The following LRIG1 variants were observed in gnomAD, a reference collection of about 807,000 sequenced individuals.
LRIG1 encodes the protein leucine-rich repeats and immunoglobulin-like domains protein 1.
In LRIG1, 48 loss-of-function variants were observed where a neutral mutation model predicts 99.2. The ratio of observed to expected loss-of-function variants is 0.48; its 90% confidence interval spans 0.38 to 0.62. LRIG1 has a LOEUF of 0.62. Among genes scored for constraint, LRIG1 ranks in the 20% least tolerant of loss-of-function variants. LRIG1 has a pLI of 0.00. For synonymous variants in LRIG1, 772 were observed against 596.1 expected (o/e 1.29, Z -4.30); for missense variants, 1,646 against 1,434.4 (o/e 1.15, Z -2.38).
At chr3:66,401,041 T>C (rs1702032419) in intron 9 of LRIG1, among the ~76,000 whole-genome samples, 1 of 152,138 alleles carries the variant, frequency 6.6e-6, no homozygotes, top group East Asian at 1.9e-4. Context: ...AACTGCAAGC[T>C]CAGCCCTCAG....
At position 66,459,160 on chromosome 3, in the gene LRIG1, C is replaced by A. The variant is rs141035812; in HGVS notation, c.290+3278G>T. On this transcript the variant is annotated intron_variant, in intron 2 of 18. Transcript: ENST00000273261. ...GAAATATATTTTTGAGACTCATAACCAGTATCTCCAATGAAGGAAAGGTGG... is the reference window on the plus strand; with the variant it reads ...GAAATATATTTTTGAGACTCATAACAAGTATCTCCAATGAAGGAAAGGTGG... Among the ~76,000 whole-genome samples, 7 of 152,230 alleles carry A rather than the reference C, an allele frequency of 4.6e-5. No individual in the cohort carries two copies. In the East Asian group the frequency reaches 1.4e-3, roughly 29 times the overall value.
chr3:66,496,222 G>A (rs78947206), intron 1 of LRIG1, among the ~76,000 whole-genome samples: 3,171 of 152,242 alleles, frequency 0.021, 93 homozygotes, highest in South Asian at 0.12. Flanking sequence ...CTTGAAAAGC[G>A]GGGCAGGAAC....
intron 1 of LRIG1, among the ~76,000 whole-genome samples, chr3:66,480,416 T>C (rs1383344694): frequency 6.6e-6 from 1 of 151,950 alleles, no homozygotes. Flanking sequence ...CCCAGAATCC[T>C]ATCATTGAAA....
chr3:66,477,183 T>G (rs1248855057), intron 1 of LRIG1, among the ~76,000 whole-genome samples: 1 of 152,214 alleles, frequency 6.6e-6, no homozygotes, highest in Non-Finnish European at 1.5e-5. Context: ...ATCAGAAAAT[T>G]TAAAGGTTGT....
chr3:66,428,813 G>A (rs777209841), intron 3 of LRIG1, among the ~76,000 whole-genome samples: 7 of 152,178 alleles, frequency 4.6e-5, no homozygotes, highest in Non-Finnish European at 7.3e-5. Context: ...GCCCAGCCTG[G>A]GTTATTTGCT....
intron 1 of LRIG1, among the ~76,000 whole-genome samples, chr3:66,465,357 A>ATTTTTTTTTTTTTTTTTTT (rs59148647): frequency 1.5e-5 from 1 of 67,728 alleles, no homozygotes; most frequent in Non-Finnish European, 3.0e-5. Flanking sequence ...TCTGAGCATA[A>ATTTTTTTTTTTTTTTTTTT]TTTTTTTTTT....
intron 2 of LRIG1, among the ~76,000 whole-genome samples, chr3:66,460,475 T>C (rs1700330651): frequency 6.6e-6 from 1 of 152,278 alleles, no homozygotes; most frequent in South Asian, 2.1e-4. Flanking sequence ...CATTTGGAGA[T>C]GGGGCCTTTG....
At chr3:66,455,445 T>C (rs1700190257) in intron 2 of LRIG1, among the ~76,000 whole-genome samples, 2 of 152,264 alleles carry the variant, frequency 1.3e-5, no homozygotes, top group Non-Finnish European at 1.5e-5. Context: ...TGTACGTGTA[T>C]TAAACAGACT....
intron 11 of LRIG1, 23 bp from the exon 12 acceptor site, chr3:66,394,226 T>C (rs376438497): frequency 1.2e-5 from 18 of 1,545,482 alleles, no homozygotes; most frequent in Non-Finnish European, 1.4e-5. Context: ...CAACAGTGGA[T>C]GCTTCAGGTG....
At chr3:66,451,773 T>C in intron 2 of LRIG1, 140 bp from the exon 3 acceptor site, 1 of 637,416 alleles carries the variant, frequency 1.6e-6, no homozygotes, top group Non-Finnish European at 2.6e-6. Context: ...AGAAAGAATT[T>C]AGCAGTGAGT....
At chr3:66,481,697 T>C (rs1700855582) in intron 1 of LRIG1, among the ~76,000 whole-genome samples, 1 of 152,164 alleles carries the variant, frequency 6.6e-6, no homozygotes, top group Admixed American at 6.6e-5. Context: ...ACTCCTTACC[T>C]TTAAAACCTT....
At chr3:66,472,882 G>C (rs974507383) in intron 1 of LRIG1, among the ~76,000 whole-genome samples, 2 of 152,082 alleles carry the variant, frequency 1.3e-5, no homozygotes, top group South Asian at 4.1e-4. Context: ...GAAAGGATCG[G>C]ACATTTTGGG....
intron 3 of LRIG1, among the ~76,000 whole-genome samples, chr3:66,436,755 TG>T (rs1312853736): frequency 3.9e-5 from 6 of 152,204 alleles, no homozygotes; most frequent in Non-Finnish European, 7.3e-5. Context: ...CACTCTCTAC[TG>T]CCAGGGGAAC....
At chr3:66,402,945 A>G (rs947128899) in intron 9 of LRIG1, among the ~76,000 whole-genome samples, 1 of 152,126 alleles carries the variant, frequency 6.6e-6, no homozygotes, top group Non-Finnish European at 1.5e-5. Flanking sequence ...CCTTCATTCA[A>G]CAAACATCGA....
chr3:66,473,649 C>G (rs1353767021), intron 1 of LRIG1, among the ~76,000 whole-genome samples: 1 of 152,228 alleles, frequency 6.6e-6, no homozygotes, highest in Admixed American at 6.5e-5. Context: ...GACAGCAGAT[C>G]CCTGGTATTA....
At chr3:66,461,133 G>A (rs568796478) in intron 2 of LRIG1, among the ~76,000 whole-genome samples, 2 of 152,076 alleles carry the variant, frequency 1.3e-5, no homozygotes, top group Admixed American at 6.5e-5. Flanking sequence ...CAACATGGCG[G>A]AACACCATCT....
chr3:66,432,673 G>A (rs936348820), intron 3 of LRIG1, among the ~76,000 whole-genome samples: 3 of 152,122 alleles, frequency 2.0e-5, no homozygotes, highest in Admixed American at 6.5e-5. Context: ...GCCCGGAACA[G>A]GAATCCATAT....
rs140692053 is a variant in LRIG1 at position 66,458,520 on chromosome 3, G to A, written c.290+3918C>T. Among the ~76,000 whole-genome samples, 454 of 152,026 alleles carry A rather than the reference G, an allele frequency of 3.0e-3. 3 individuals are homozygous for A. The highest frequency in any genetic ancestry group is 0.013 in the East Asian group (68 of 5,158). On this transcript the variant is annotated intron_variant, in intron 2 of 18. Coordinates refer to ENST00000273261, the MANE Select transcript of LRIG1 (RefSeq NM_015541.3). ...ACTTCGAGACCAGCCTGGCCAACAC[G>A]GCGAAATCCCATCTCTACTAAAAAT...
At chr3:66,387,049 A>C (rs1433052791) in intron 12 of LRIG1, 2 of 148,638 alleles carry the variant, frequency 1.3e-5, no homozygotes, top group Non-Finnish European at 3.0e-5. Context: ...CCCCATTCAC[A>C]GGATTTGCAT....
Sources: gnomAD v4.1 joint callset for allele counts (sites outside exome capture counted in the v4.1 genomes callset) on GRCh38, gnomAD v4.1.1 for gene constraint, MANE v1.5 for transcripts, NCBI Gene and HGNC (gene_info 2026-07-23, HGNC 2026-07-21) for gene names.